Variants in TTC28 observed in about 807,000 individuals in gnomAD.
TTC28 encodes the protein tetratricopeptide repeat protein 28.
A neutral mutation model predicts 198.0 loss-of-function variants in TTC28; 61 were observed. The observed-to-expected ratio is 0.31, with a 90% CI of 0.25 to 0.38. The LOEUF is 0.38. Among genes scored for constraint, TTC28 ranks in the 10% least tolerant of loss-of-function variants. The pLI is 1.00. For missense variants in TTC28, 2,678 were observed against 3,164.0 expected (o/e 0.85, Z 3.69); for synonymous variants, 1,171 against 1,297.8 (o/e 0.90, Z 2.10).
chr22:28,308,606 G>GTAGCAGTTCAGTGTTAAATGCAAGTTCA (rs2045190823), intron 2 of TTC28, among the ~76,000 whole-genome samples: 1 of 152,126 alleles, frequency 6.6e-6, no homozygotes, highest in Non-Finnish European at 1.5e-5. Context: ...CTGCTAGGGA[G>GTAGCAGTTCAGTGTTAAATGCAAGTTCA]GTAGGTAAAG....
At chr22:28,556,046 T>C (rs1294507551) in intron 2 of TTC28, among the ~76,000 whole-genome samples, 1 of 151,732 alleles carries the variant, frequency 6.6e-6, no homozygotes, top group African/African-American at 2.4e-5. Context: ...TCAGTTTTGG[T>C]TTATTAAAAA....
chr22:28,449,074 A>G (rs1168491774), intron 2 of TTC28, among the ~76,000 whole-genome samples: 1 of 152,242 alleles, frequency 6.6e-6, no homozygotes, highest in African/African-American at 2.4e-5. Context: ...TGATCTTGCT[A>G]TTTATCTGAC....
rs181826935 is a variant in TTC28 at position 28,373,189 on chromosome 22, C to T, written c.382-66546G>A. Among the ~76,000 whole-genome samples the T allele has an allele frequency of 3.4e-4, 51 of 151,686 alleles. 1 individual carries two copies. The highest frequency in any genetic ancestry group is 1.5e-3 in the South Asian group (7 of 4,802). On this transcript the variant is annotated intron_variant, in intron 2 of 22. Coordinates refer to ENST00000397906, the MANE Select transcript of TTC28 (RefSeq NM_001145418.2). ...TTTAGCAAGCATACCAGGTACTATG[C>T]CAGATGTTCAAGATAGAGAGGAGAT... is the stretch of plus-strand genomic sequence containing the variant.
At chr22:28,141,089 A>G (rs1943321233) in intron 6 of TTC28, among the ~76,000 whole-genome samples, 1 of 152,216 alleles carries the variant, frequency 6.6e-6, no homozygotes, top group African/African-American at 2.4e-5. Flanking sequence ...GTAAATTACA[A>G]TGCCAGAATT....
chr22:28,466,224 CAA>C (rs768380699), intron 2 of TTC28, among the ~76,000 whole-genome samples: 28 of 152,188 alleles, frequency 1.8e-4, no homozygotes, highest in Non-Finnish European at 3.8e-4. Flanking sequence ...ATTTTTCTCA[CAA>C]AAGTCTCCCA....
chr22:28,446,926 T>C (rs2047711287), intron 2 of TTC28, among the ~76,000 whole-genome samples: 1 of 152,224 alleles, frequency 6.6e-6, no homozygotes, highest in African/African-American at 2.4e-5. Context: ...ATATTAACTA[T>C]GATTTTATAG....
chr22:28,415,215 A>G (rs2047149382), intron 2 of TTC28, among the ~76,000 whole-genome samples: 1 of 152,168 alleles, frequency 6.6e-6, no homozygotes, highest in Non-Finnish European at 1.5e-5. Flanking sequence ...AAATCCTTAA[A>G]TGACAAGAAG....
intron 2 of TTC28, among the ~76,000 whole-genome samples, chr22:28,600,286 T>C (rs2050617750): frequency 6.6e-6 from 1 of 151,776 alleles, no homozygotes; most frequent in Non-Finnish European, 1.5e-5. Flanking sequence ...ACGCCTGTAG[T>C]CCCCGCTACC....
intron 5 of TTC28, among the ~76,000 whole-genome samples, chr22:28,274,976 T>TA (rs34582010): frequency 0.073 from 5,640 of 77,732 alleles, 357 homozygotes; most frequent in Middle Eastern, 0.097. Flanking sequence ...GAGACTGTCT[T>TA]AAAAAAAAAA....
chr22:28,456,301 T>G, intron 2 of TTC28, among the ~76,000 whole-genome samples: 1 of 152,062 alleles, frequency 6.6e-6, no homozygotes, highest in East Asian at 1.9e-4. Context: ...AGAAAGTAGA[T>G]TAGTGGTCAC....
At chr22:28,069,998 T>C (rs1368672066) in intron 12 of TTC28, among the ~76,000 whole-genome samples, 3 of 151,874 alleles carry the variant, frequency 2.0e-5, no homozygotes, top group Non-Finnish European at 4.4e-5. Flanking sequence ...CATTGTACTC[T>C]GGTATTAACC....
At chr22:28,397,546 T>A (rs2046836862) in intron 2 of TTC28, among the ~76,000 whole-genome samples, 1 of 152,226 alleles carries the variant, frequency 6.6e-6, no homozygotes, top group South Asian at 2.1e-4. Context: ...GATGACCAAG[T>A]AAATAGTATA....
intron 6 of TTC28, among the ~76,000 whole-genome samples, chr22:28,135,443 G>A (rs980720790): frequency 2.0e-5 from 3 of 152,212 alleles, no homozygotes; most frequent in Non-Finnish European, 4.4e-5. Context: ...CAGAGTTGTT[G>A]AGGAGTAAAA....
At chr22:28,527,431 G>C (rs1425698472) in intron 2 of TTC28, among the ~76,000 whole-genome samples, 4 of 152,164 alleles carry the variant, frequency 2.6e-5, no homozygotes, top group African/African-American at 7.2e-5. Flanking sequence ...GTGCCCAAGA[G>C]AGTTGCTTCA....
chr22:28,610,656 C>T (rs574272515), intron 2 of TTC28, among the ~76,000 whole-genome samples: 15 of 152,240 alleles, frequency 9.9e-5, no homozygotes, highest in African/African-American at 3.1e-4. Flanking sequence ...AACCAGAACG[C>T]CTCTTCTCCT....
chr22:28,355,128 A>G (rs1601679751), intron 2 of TTC28, among the ~76,000 whole-genome samples: 1 of 152,230 alleles, frequency 6.6e-6, no homozygotes, highest in East Asian at 1.9e-4. Flanking sequence ...TCATTCTCAC[A>G]TAAACTTCAT....
At chr22:28,663,725 C>T (rs1321106988) in intron 1 of TTC28, among the ~76,000 whole-genome samples, 2 of 141,850 alleles carry the variant, frequency 1.4e-5, no homozygotes, top group African/African-American at 2.7e-5. Flanking sequence ...GGGGGAGGGG[C>T]GCCCGCCATT....
In TTC28 at chr22:27,992,635, A is replaced by G; in HGVS notation, c.5505T>C (p.Leu1835=). Residue 1835 remains leucine (L), a synonymous_variant, in exon 19 of 23, where the codon CTT becomes CTC. Transcript: ENST00000397906. The stretch of plus-strand genomic sequence containing the variant: ...TCTCGGAGGCAGTGATGAGTTTGCA[A>G]AGGGCTTGGAGGGCAGGATTGGGCA... ...LGLPNPALQA[L]CKLITASETG... 6.4e-7 allele frequency: 1 copy of G among 1,551,626 alleles called. No homozygotes were observed.
In TTC28 at chr22:28,163,528, G is replaced by C; in HGVS notation, c.1005C>G (p.Ala335=). 6 of 1,551,722 alleles carry C rather than the reference G, an allele frequency of 3.9e-6. No homozygotes were observed. The highest frequency in any genetic ancestry group is 5.2e-6 in the Non-Finnish European group (6 of 1,146,980). The change falls in exon 6 of 23, where the codon GCC becomes GCG. Residue 335 remains alanine, a synonymous_variant. Coordinates refer to ENST00000397906, the MANE Select transcript of TTC28 (RefSeq NM_001145418.2). ...CAAGAAGAACACACTGTTTGTGACT[G>C]GCCAGTGCATTGGGGTAGTCTCCAA... ...TAIGDYPNAL[A]SHKQCVLLAK...
Sources: gnomAD v4.1 joint callset for allele counts (sites outside exome capture counted in the v4.1 genomes callset) on GRCh38, gnomAD v4.1.1 for gene constraint, MANE v1.5 for transcripts, NCBI Gene and HGNC (gene_info 2026-07-23, HGNC 2026-07-21) for gene names.